CNTN5: variants seen among roughly 807,000 people sequenced by gnomAD.
The protein encoded by CNTN5 is contactin-5.
CNTN5 carries 77 observed loss-of-function variants against 129.1 expected under a neutral mutation model. The observed-to-expected ratio is 0.60, with a 90% CI of 0.50 to 0.72. CNTN5 has a LOEUF of 0.72. Among genes scored for constraint, CNTN5 ranks in the 30% least tolerant of loss-of-function variants. The pLI is 0.00. For synonymous variants in CNTN5, 509 were observed against 465.6 expected (o/e 1.09, Z -1.20); for missense variants, 1,478 against 1,328.8 (o/e 1.11, Z -1.75).
chr11:99,789,449 A>G (rs115750864), intron 3 of CNTN5, among the ~76,000 whole-genome samples: 303 of 152,106 alleles, frequency 2.0e-3, no homozygotes, highest in African/African-American at 6.7e-3. Context: ...TCATGTTATA[A>G]TGGAAATTAT....
intron 3 of CNTN5, among the ~76,000 whole-genome samples, chr11:99,577,977 C>G (rs11822712): frequency 3.9e-5 from 5 of 128,216 alleles, no homozygotes; most frequent in African/African-American, 1.2e-4. Flanking sequence ...ATCCCTCCCC[C>G]CTCCCCCCAC....
rs189604129 is a variant in CNTN5, at chr11:99,303,889, C to T, written c.-209-21457C>T. On this transcript the variant is annotated intron_variant, in intron 1 of 24. Transcript: ENST00000524871. ...GAAGATTATATTAATCCTTTAGTAACACCATAGTGTCTAATAAGCAACATA... is the reference window on the plus strand; with the variant it reads ...GAAGATTATATTAATCCTTTAGTAATACCATAGTGTCTAATAAGCAACATA... 2.0e-4 allele frequency among the ~76,000 whole-genome samples: 31 copies of T among 152,210 alleles called. 1 individual carries two copies. Among genetic ancestry groups the T allele is most frequent in the Admixed American group, 1.4e-3 (22 of 15,284 alleles).
At chr11:100,081,853 G>A (rs184686511) in intron 13 of CNTN5, among the ~76,000 whole-genome samples, 7 of 152,250 alleles carry the variant, frequency 4.6e-5, no homozygotes, top group Admixed American at 1.3e-4. Context: ...GACCTTGAGC[G>A]TTTGACTACA....
chr11:99,999,393 G>A (rs1224814515), intron 8 of CNTN5, among the ~76,000 whole-genome samples: 3 of 152,134 alleles, frequency 2.0e-5, no homozygotes, highest in South Asian at 2.1e-4. Context: ...GCAGCCAAAG[G>A]ACACATGCAA....
chr11:99,026,392 T>C (rs1046226831), intron 1 of CNTN5, among the ~76,000 whole-genome samples: 6 of 151,650 alleles, frequency 4.0e-5, no homozygotes, highest in African/African-American at 1.4e-4. Context: ...ATTTCTTTTC[T>C]AATTTTGTAT....
At chr11:99,952,047 T>C (rs930059022) in intron 7 of CNTN5, among the ~76,000 whole-genome samples, 5 of 152,156 alleles carry the variant, frequency 3.3e-5, no homozygotes, top group African/African-American at 4.8e-5. Flanking sequence ...CGGAGAGTAA[T>C]TGACATGGCT....
chr11:99,493,893 A>G (rs984629856), intron 2 of CNTN5, among the ~76,000 whole-genome samples: 1 of 152,206 alleles, frequency 6.6e-6, no homozygotes, highest in Non-Finnish European at 1.5e-5. Context: ...AAGGTAGTAA[A>G]CTTCAAAAGC....
intron 13 of CNTN5, among the ~76,000 whole-genome samples, chr11:100,089,629 A>G (rs570639205): frequency 6.6e-6 from 1 of 152,304 alleles, no homozygotes; most frequent in Non-Finnish European, 1.5e-5. Context: ...ACAATAGCAA[A>G]TACATGGAAT....
At chr11:99,615,588 T>G (rs1286760945) in intron 3 of CNTN5, among the ~76,000 whole-genome samples, 1 of 152,118 alleles carries the variant, frequency 6.6e-6, no homozygotes, top group East Asian at 1.9e-4. Flanking sequence ...TTGAAATAAT[T>G]AGGAATTCAC....
chr11:100,086,486 C>CA (rs149385114), intron 13 of CNTN5, among the ~76,000 whole-genome samples: 6,916 of 148,616 alleles, frequency 0.047, 528 homozygotes, highest in African/African-American at 0.16. Flanking sequence ...GTTAACCAAT[C>CA]AAAAAACAGA....
At chr11:99,658,641 A>T (rs1359441486) in intron 3 of CNTN5, among the ~76,000 whole-genome samples, 2 of 147,806 alleles carry the variant, frequency 1.4e-5, no homozygotes, top group Non-Finnish European at 3.1e-5. Flanking sequence ...GGAGGCTGAG[A>T]CAGGTGGATC....
intron 3 of CNTN5, among the ~76,000 whole-genome samples, chr11:99,702,680 C>T (rs1954575427): frequency 2.0e-5 from 3 of 150,956 alleles, no homozygotes; most frequent in Admixed American, 1.3e-4. Flanking sequence ...CAATATTTTT[C>T]AGGATACTTA....
chr11:99,975,936 A>T (rs996250876), intron 8 of CNTN5, among the ~76,000 whole-genome samples: 3 of 152,204 alleles, frequency 2.0e-5, no homozygotes, highest in Non-Finnish European at 4.4e-5. Context: ...CCAAAGTCTC[A>T]TCTGAGACAA....
chr11:99,836,716 A>C (rs955226219), intron 4 of CNTN5, among the ~76,000 whole-genome samples: 1 of 152,166 alleles, frequency 6.6e-6, no homozygotes, highest in Non-Finnish European at 1.5e-5. Context: ...AGGAATCGCC[A>C]CACTGTCTTC....
chr11:99,313,029 A>C lies in CNTN5; in HGVS notation c.-209-12317A>C, dbSNP rs572381521. Among the ~76,000 whole-genome samples the C allele has an allele frequency of 1.3e-3, 201 of 152,160 alleles. 4 individuals carry two copies. Among genetic ancestry groups the C allele is most frequent in the Middle Eastern group, 6.8e-3 (2 of 294 alleles). ...AAAACCCAGAGCTACCTGGAATTAC[A>C]CTACACTCAATTATACTCGATCGTA... is the stretch of plus-strand genomic sequence containing the variant. On this transcript the variant is annotated intron_variant, in intron 1 of 24. Coordinates refer to ENST00000524871, the MANE Select transcript of CNTN5 (RefSeq NM_014361.4).
At chr11:99,543,009 G>A (rs142939060) in intron 2 of CNTN5, among the ~76,000 whole-genome samples, 1 of 152,158 alleles carries the variant, frequency 6.6e-6, no homozygotes, top group African/African-American at 2.4e-5. Context: ...CTTGTGTTGT[G>A]CCTTGTCTGG....
In CNTN5 at chr11:100,255,883, G is replaced by T. The variant is rs763348368; in HGVS notation, c.2129G>T (p.Ser710Ile). 6.2e-7 allele frequency: 1 copy of T among 1,613,884 alleles called. No homozygotes were observed. Among genetic ancestry groups the T allele is most frequent in the Non-Finnish European group, 8.5e-7 (1 of 1,179,860 alleles). Residue 710 changes from serine to isoleucine, a missense_variant, in exon 17 of 25, where the codon AGC becomes ATC. Physicochemically the swap from Ser to Ile is moderately radical, Grantham distance 142 (BLOSUM62 -2). Transcript: ENST00000524871. The part of the protein sequence containing the change: ...PISSYNLQAR[S>I]PFSLGWQTVK... Reference sequence around the variant, plus strand: ...TCCTCCTACAACCTTCAAGCTCGCAGCCCATTTTCCCTGGGCTGGCAAACA... The same window carrying T: ...TCCTCCTACAACCTTCAAGCTCGCATCCCATTTTCCCTGGGCTGGCAAACA...
intron 13 of CNTN5, among the ~76,000 whole-genome samples, chr11:100,180,080 C>T (rs1176850056): frequency 6.6e-6 from 1 of 151,966 alleles, no homozygotes; most frequent in African/African-American, 2.4e-5. Context: ...TATGCTTAAA[C>T]CCAAACTAGA....
chr11:100,262,549 A>G (rs2138752078), intron 17 of CNTN5, among the ~76,000 whole-genome samples: 1 of 152,344 alleles, frequency 6.6e-6, no homozygotes, highest in South Asian at 2.1e-4. Flanking sequence ...CCAAATGCCC[A>G]TCAATGATAG....
Sources: gnomAD v4.1 joint callset for allele counts (sites outside exome capture counted in the v4.1 genomes callset) on GRCh38, gnomAD v4.1.1 for gene constraint, MANE v1.5 for transcripts, NCBI Gene and HGNC (gene_info 2026-07-23, HGNC 2026-07-21) for gene names.